The following UNC5C variants were observed in gnomAD, a reference collection of about 807,000 sequenced individuals.
UNC5C encodes the protein unc-5 netrin receptor C.
Under a neutral mutation model 99.8 loss-of-function variants are expected in UNC5C, and 47 were observed. The observed-to-expected ratio is 0.47, with a 90% CI of 0.37 to 0.60. UNC5C has a LOEUF of 0.60. Ranked by LOEUF, UNC5C falls within the 20% of genes least tolerant of loss-of-function variation. UNC5C has a pLI of 0.00. For missense variants in UNC5C, 1,062 were observed against 1,165.9 expected, an observed-to-expected ratio of 0.91 and a Z score of 1.30; for synonymous variants, 487 against 452.2, an observed-to-expected ratio of 1.08 and a Z score of -0.98.
intron 4 of UNC5C, among the ~76,000 whole-genome samples, chr4:95,270,796 G>A (rs1740629960): frequency 6.6e-6 from 1 of 152,224 alleles, no homozygotes; most frequent in African/African-American, 2.4e-5. Flanking sequence ...TCATTGAAGT[G>A]TCCGTAAAAG....
At chr4:95,523,899 A>AT (rs900428083) in intron 1 of UNC5C, among the ~76,000 whole-genome samples, 6 of 152,024 alleles carry the variant, frequency 3.9e-5, no homozygotes, top group African/African-American at 9.7e-5. Flanking sequence ...TAATTTATTG[A>AT]TTTTTTTTCC....
At chr4:95,357,636 G>T (rs959227816) in intron 1 of UNC5C, among the ~76,000 whole-genome samples, 1 of 151,906 alleles carries the variant, frequency 6.6e-6, no homozygotes, top group East Asian at 1.9e-4. Flanking sequence ...ATTAAAAAAA[G>T]GAAGAAATAG....
intron 1 of UNC5C, among the ~76,000 whole-genome samples, chr4:95,512,618 A>T (rs1722109159): frequency 1.3e-5 from 2 of 152,178 alleles, no homozygotes; most frequent in African/African-American, 4.8e-5. Context: ...TTAAATTGAT[A>T]TCAATTTTAC....
At chr4:95,509,697 T>C (rs1202894235) in intron 1 of UNC5C, among the ~76,000 whole-genome samples, 2 of 151,932 alleles carry the variant, frequency 1.3e-5, no homozygotes, top group Non-Finnish European at 2.9e-5. Context: ...AATGTGTTTA[T>C]GTATGTTCAT....
intron 4 of UNC5C, among the ~76,000 whole-genome samples, chr4:95,252,344 A>AGTCTCAGT (rs1483820657): frequency 1.3e-5 from 2 of 152,202 alleles, no homozygotes; most frequent in Non-Finnish European, 2.9e-5. Flanking sequence ...AGGCTCCCTT[A>AGTCTCAGT]GTCTCAGTTG....
rs112947285 is a variant in UNC5C, at chr4:95,544,083, T to C, written c.124+4651A>G. ...TGTAGAATTGAAAGTCAAGGAATAA[T>C]ACTTATTTTCTATGAGCTAAAAGCT... On this transcript the variant is annotated intron_variant, in intron 1 of 15. Transcript: ENST00000453304. Among the ~76,000 whole-genome samples the C allele has an allele frequency of 4.1e-3, 619 of 152,342 alleles. 6 individuals carry two copies. Among genetic ancestry groups the C allele is most frequent in the African/African-American group, 0.014 (578 of 41,572 alleles).
chr4:95,290,009 T>C (rs1334007032), intron 3 of UNC5C, among the ~76,000 whole-genome samples: 2 of 152,164 alleles, frequency 1.3e-5, no homozygotes, highest in Non-Finnish European at 2.9e-5. Context: ...TTATAGAATA[T>C]TTTAAAAATT....
At chr4:95,389,246 TCA>T (rs1348313511) in intron 1 of UNC5C, among the ~76,000 whole-genome samples, 1 of 152,170 alleles carries the variant, frequency 6.6e-6, no homozygotes, top group Non-Finnish European at 1.5e-5. Flanking sequence ...GTACTAACAA[TCA>T]CAGTTAAGGC....
intron 1 of UNC5C, among the ~76,000 whole-genome samples, chr4:95,342,913 T>C (rs1743633824): frequency 6.6e-6 from 1 of 151,786 alleles, no homozygotes; most frequent in South Asian, 2.1e-4. Flanking sequence ...GCAGTGGCCA[T>C]GGAAAAAGAC....
chr4:95,256,661 G>A (rs533272201), intron 4 of UNC5C, among the ~76,000 whole-genome samples: 18 of 136,818 alleles, frequency 1.3e-4, no homozygotes, highest in Non-Finnish European at 3.0e-4. Context: ...CATACTATAT[G>A]TATGAGTCAG....
chr4:95,370,553 A>G (rs1744713108), intron 1 of UNC5C, among the ~76,000 whole-genome samples: 1 of 152,136 alleles, frequency 6.6e-6, no homozygotes, highest in African/African-American at 2.4e-5. Flanking sequence ...AATTGGGTAC[A>G]CTCATGAAAA....
At chr4:95,539,843 A>G (rs549109328) in intron 1 of UNC5C, among the ~76,000 whole-genome samples, 1 of 152,214 alleles carries the variant, frequency 6.6e-6, no homozygotes, top group South Asian at 2.1e-4. Context: ...ACCACGTCTA[A>G]TAAATCCAAT....
chr4:95,503,359 T>C (rs1384927258), intron 1 of UNC5C, among the ~76,000 whole-genome samples: 1 of 152,152 alleles, frequency 6.6e-6, no homozygotes, highest in Admixed American at 6.6e-5. Flanking sequence ...CTTTTTAAAT[T>C]GGCCAGTCTG....
At chr4:95,529,844 A>T (rs1722597881) in intron 1 of UNC5C, among the ~76,000 whole-genome samples, 1 of 152,230 alleles carries the variant, frequency 6.6e-6, no homozygotes, top group Admixed American at 6.5e-5. Flanking sequence ...AGTTTAATTT[A>T]CTTGACAATG....
At chr4:95,243,309 T>TA (rs1739391858) in intron 6 of UNC5C, among the ~76,000 whole-genome samples, 1 of 152,182 alleles carries the variant, frequency 6.6e-6, no homozygotes, top group African/African-American at 2.4e-5. Context: ...ACTTTCTTCC[T>TA]AATTTTGGTG....
At chr4:95,373,641 A>C (rs1744809118) in intron 1 of UNC5C, among the ~76,000 whole-genome samples, 1 of 152,160 alleles carries the variant, frequency 6.6e-6, no homozygotes, top group African/African-American at 2.4e-5. Context: ...CAGCACTAGC[A>C]CAGCAACTGG....
At chr4:95,361,489 G>T (rs756464146) in intron 1 of UNC5C, among the ~76,000 whole-genome samples, 1 of 152,162 alleles carries the variant, frequency 6.6e-6, no homozygotes, top group African/African-American at 2.4e-5. Context: ...AGGATGTGCT[G>T]CTCTGTGCAG....
chr4:95,456,060 T>C (rs1747416982), intron 1 of UNC5C, among the ~76,000 whole-genome samples: 1 of 152,022 alleles, frequency 6.6e-6, no homozygotes, highest in Admixed American at 6.6e-5. Flanking sequence ...TCTAGGGACT[T>C]TGTTCCATGT....
chr4:95,251,210 C>T (rs930386272), intron 4 of UNC5C, among the ~76,000 whole-genome samples: 2 of 152,180 alleles, frequency 1.3e-5, no homozygotes, highest in African/African-American at 2.4e-5. Context: ...CTCACTGAAA[C>T]GTATGGATTA....
Sources: allele counts gnomAD v4.1 joint callset (sites outside exome capture counted in the v4.1 genomes callset), GRCh38; gene constraint gnomAD v4.1.1; transcripts MANE v1.5; gene names NCBI Gene and HGNC (gene_info 2026-07-23, HGNC 2026-07-21).